DSCAM: variants seen among roughly 807,000 people sequenced by gnomAD.
The protein encoded by DSCAM is DS cell adhesion molecule, also known as cell adhesion molecule DSCAM.
Under a neutral mutation model 217.7 loss-of-function variants are expected in DSCAM, and 47 were observed. The observed-to-expected ratio is 0.22, with a 90% confidence interval of 0.17 to 0.28. The LOEUF (loss-of-function observed/expected upper bound fraction) is 0.28, where lower values mean the gene tolerates loss of function less well. Ranked by LOEUF, DSCAM falls within the 10% of genes least tolerant of loss-of-function variation. The pLI, the probability that DSCAM is intolerant of heterozygous loss-of-function variation, is 1.00. For missense variants in DSCAM, 2,080 were observed against 2,618.3 expected (o/e 0.79, Z 4.49); for synonymous variants, 1,056 against 1,015.3 (o/e 1.04, Z -0.76).
chr21:40,060,657 C>G (rs1417106691), intron 28 of DSCAM, among the ~76,000 whole-genome samples: 2 of 152,208 alleles, frequency 1.3e-5, no homozygotes, highest in East Asian at 1.9e-4. Flanking sequence ...CCATTATCAC[C>G]TCCGCGGTGC....
chr21:40,836,803 T>A (rs150376939), intron 1 of DSCAM, among the ~76,000 whole-genome samples: 9 of 152,232 alleles, frequency 5.9e-5, no homozygotes, highest in East Asian at 1.9e-4. Flanking sequence ...GAAGACGACA[T>A]AACAAACATG....
intron 3 of DSCAM, among the ~76,000 whole-genome samples, chr21:40,651,001 G>T (rs993396306): frequency 6.6e-6 from 1 of 152,172 alleles, no homozygotes; most frequent in African/African-American, 2.4e-5. Flanking sequence ...TCTAGGGGAG[G>T]GTTCCTAAAG....
At chr21:40,643,502 C>A (rs774715259) in intron 3 of DSCAM, among the ~76,000 whole-genome samples, 2 of 152,212 alleles carry the variant, frequency 1.3e-5, no homozygotes. Flanking sequence ...AGGTCACCCA[C>A]CAATTTCAGA....
rs2088084237 is a variant in DSCAM at position 40,012,919 on chromosome 21, T to TA, written c.*114dup. The stretch of plus-strand genomic sequence containing the variant: ...TTCAGTATTTTCTCTTTTTTTTTTT[T>TA]AATATATTTTGGCAATTTTCTTTAA... On this transcript the variant is annotated 3_prime_UTR_variant, in exon 33 of 33. Coordinates refer to ENST00000400454, the MANE Select transcript of DSCAM (RefSeq NM_001389.5). 10 of 759,414 alleles carry TA rather than the reference T, an allele frequency of 1.3e-5. No homozygotes were observed. Among genetic ancestry groups the TA allele is most frequent in the East Asian group, 3.3e-5 (1 of 30,162 alleles). The allele number at this position is 759,414 out of a possible 1,614,324, so 47.0% of individuals were successfully genotyped here. A position where few individuals can be genotyped will look rare whatever the true frequency, so the allele number is the denominator to read the frequency against.
At chr21:40,288,927 G>C (rs1243876860) in intron 10 of DSCAM, among the ~76,000 whole-genome samples, 4 of 152,122 alleles carry the variant, frequency 2.6e-5, no homozygotes, top group African/African-American at 9.7e-5. Context: ...TATGGCTGGG[G>C]TTTGAACTTA....
At chr21:40,418,410 A>C (rs1001233231) in intron 3 of DSCAM, among the ~76,000 whole-genome samples, 2 of 152,210 alleles carry the variant, frequency 1.3e-5, no homozygotes, top group Non-Finnish European at 2.9e-5. Flanking sequence ...GAAAAAAACT[A>C]TGATATCTGT....
intron 20 of DSCAM, among the ~76,000 whole-genome samples, chr21:40,109,078 G>T (rs976795367): frequency 2.0e-5 from 3 of 152,142 alleles, no homozygotes; most frequent in African/African-American, 2.4e-5. Flanking sequence ...TACTATTCAG[G>T]ACATAGGCAT....
chr21:40,272,380 C>T lies in DSCAM; in HGVS notation c.2356+3717G>A, dbSNP rs149532032. The stretch of plus-strand genomic sequence containing the variant: ...AGCTGGAAAGATTTGCATGCAGTAA[C>T]CTTCCATCCCATTGATTGCTTTCCA... On this transcript the variant is annotated intron_variant, in intron 11 of 32. Coordinates refer to ENST00000400454, the MANE Select transcript of DSCAM (RefSeq NM_001389.5). 7.4e-4 allele frequency among the ~76,000 whole-genome samples: 112 copies of T among 152,306 alleles called. 1 individual carries two copies. Among genetic ancestry groups the T allele is most frequent in the Non-Finnish European group, 1.3e-3 (89 of 68,026 alleles).
chr21:40,337,708 A>G (rs1426651852), intron 8 of DSCAM, among the ~76,000 whole-genome samples: 2 of 152,170 alleles, frequency 1.3e-5, no homozygotes, highest in Non-Finnish European at 2.9e-5. Context: ...TCCTCATCCA[A>G]TACAGAAAAT....
chr21:40,266,672 A>ATATATATATATATATATATAT (rs1422997672), intron 11 of DSCAM, among the ~76,000 whole-genome samples: 1 of 45,012 alleles, frequency 2.2e-5, no homozygotes, highest in African/African-American at 1.3e-4. Flanking sequence ...TATATATATA[A>ATATATATATATATATATATAT]TCTTGAAATT....
intron 15 of DSCAM, among the ~76,000 whole-genome samples, chr21:40,172,493 C>G (rs2088374627): frequency 6.6e-6 from 1 of 152,220 alleles, no homozygotes; most frequent in South Asian, 2.1e-4. Flanking sequence ...TGTCCTGATC[C>G]TTCCTGGCTA....
chr21:40,162,215 T>C (rs1031365586), intron 16 of DSCAM, among the ~76,000 whole-genome samples: 1 of 152,192 alleles, frequency 6.6e-6, no homozygotes, highest in African/African-American at 2.4e-5. Context: ...AGAACTTGGG[T>C]AAGTTCCTTT....
chr21:40,691,705 A>G (rs1481569092), intron 3 of DSCAM, among the ~76,000 whole-genome samples: 1 of 152,238 alleles, frequency 6.6e-6, no homozygotes, highest in East Asian at 1.9e-4. Context: ...TGTTCATTGA[A>G]GTGTGAGGGG....
intron 3 of DSCAM, among the ~76,000 whole-genome samples, chr21:40,645,521 A>G (rs1336417570): frequency 6.6e-6 from 1 of 151,752 alleles, no homozygotes. Context: ...TTTTTTTTTT[A>G]GTAGGCATCC....
chr21:40,386,787 T>G (rs1972669428), intron 3 of DSCAM, among the ~76,000 whole-genome samples: 1 of 152,150 alleles, frequency 6.6e-6, no homozygotes, highest in Non-Finnish European at 1.5e-5. Context: ...CAGTGACGTT[T>G]TTCTTGAACT....
At chr21:40,824,950 A>G (rs2091956535) in intron 1 of DSCAM, among the ~76,000 whole-genome samples, 1 of 152,230 alleles carries the variant, frequency 6.6e-6, no homozygotes, top group Admixed American at 6.5e-5. Context: ...TTCTGCTTCC[A>G]TAAACACTGC....
intron 11 of DSCAM, among the ~76,000 whole-genome samples, chr21:40,197,397 C>T (rs551443608): frequency 6.6e-6 from 1 of 152,148 alleles, no homozygotes; most frequent in Non-Finnish European, 1.5e-5. Flanking sequence ...GGATTACAGG[C>T]GTGAGCCACC....
intron 1 of DSCAM, among the ~76,000 whole-genome samples, chr21:40,777,633 G>C (rs1003052646): frequency 6.6e-6 from 1 of 152,092 alleles, no homozygotes; most frequent in Non-Finnish European, 1.5e-5. Flanking sequence ...TTGTGATGAA[G>C]AATGTGAAAG....
At chr21:40,788,049 A>AC (rs2091608954) in intron 1 of DSCAM, among the ~76,000 whole-genome samples, 1 of 152,236 alleles carries the variant, frequency 6.6e-6, no homozygotes, top group African/African-American at 2.4e-5. Context: ...TGTCTGTGGA[A>AC]CATCCAAGCA....
Sources: gnomAD v4.1 joint callset for allele counts (sites outside exome capture counted in the v4.1 genomes callset) on GRCh38, gnomAD v4.1.1 for gene constraint, MANE v1.5 for transcripts, NCBI Gene and HGNC (gene_info 2026-07-23, HGNC 2026-07-21) for gene names.